SLC13A4: variants seen among roughly 807,000 people sequenced by gnomAD.
SLC13A4 encodes the protein Na(+)/sulfate cotransporter SUT-1.
In SLC13A4, 28 loss-of-function variants were observed where a neutral mutation model predicts 72.7. The observed-to-expected ratio is 0.39, with a 90% CI of 0.29 to 0.53. SLC13A4 has a LOEUF of 0.53. Among genes scored for constraint, SLC13A4 ranks in the 20% least tolerant of loss-of-function variants. The probability of loss-of-function intolerance (pLI) is 0.78; values close to 1 mark genes in which losing one functional copy is unlikely to be tolerated. For missense variants in SLC13A4, 653 were observed against 788.0 expected (o/e 0.83, Z 2.05); for synonymous variants, 312 against 325.5 (o/e 0.96, Z 0.45).
chr7:135,716,987 A>G (rs1796446552), intron 2 of SLC13A4, among the ~76,000 whole-genome samples: 1 of 152,084 alleles, frequency 6.6e-6, no homozygotes, highest in South Asian at 2.1e-4. Context: ...TCCTTATTAG[A>G]CTTCATTTTG....
In SLC13A4 at chr7:135,722,349, G is replaced by A. The variant is rs548481746; in HGVS notation, c.100-826C>T. ...TTGACACATGTGCCTAAGATATGAA[G>A]ATATGTGGCATTGGTGTGTGCCTGA... is the stretch of plus-strand genomic sequence containing the variant. On this transcript the variant is annotated intron_variant, in intron 1 of 15. Transcript: ENST00000682651. Among the ~76,000 whole-genome samples the A allele has an allele frequency of 4.6e-5, 7 of 152,340 alleles. No homozygotes were observed. The South Asian group carries it at 8.3e-4, about 18-fold the overall frequency.
At position 135,701,662 on chromosome 7, in the gene SLC13A4, A is replaced by G. The variant is rs1397594368; in HGVS notation, c.714+18T>C. On this transcript the variant is annotated intron_variant, in intron 7 of 15. Coordinates refer to ENST00000682651, the MANE Select transcript of SLC13A4 (RefSeq NM_001318192.2). Reference sequence around the variant, plus strand: ...CGTTTCATGTAGGAAACAGAGCTAGAAGGGGCCGTTCTATTACCTGGGATG... The same window carrying G: ...CGTTTCATGTAGGAAACAGAGCTAGGAGGGGCCGTTCTATTACCTGGGATG... The G allele has an allele frequency of 6.2e-7, 1 of 1,612,040 alleles. No homozygotes were observed. The highest frequency in any genetic ancestry group is 8.5e-7 in the Non-Finnish European group (1 of 1,178,450).
chr7:135,723,301 A>T (rs1468373026), intron 1 of SLC13A4, among the ~76,000 whole-genome samples: 6 of 152,118 alleles, frequency 3.9e-5, no homozygotes, highest in African/African-American at 1.4e-4. Context: ...TGCTGGCTGG[A>T]CAACCTAGGG....
chr7:135,710,902 C>A (rs951092310), intron 2 of SLC13A4, among the ~76,000 whole-genome samples: 1 of 151,350 alleles, frequency 6.6e-6, no homozygotes, highest in African/African-American at 2.4e-5. Flanking sequence ...TCACGAATGC[C>A]CCCTGGGGGC....
At chr7:135,711,561 G>A (rs889670491) in intron 2 of SLC13A4, among the ~76,000 whole-genome samples, 1 of 152,136 alleles carries the variant, frequency 6.6e-6, no homozygotes, top group Non-Finnish European at 1.5e-5. Context: ...GAAACTGGGG[G>A]TTTAGGGAGC....
chr7:135,702,725 A>G (rs3112345), intron 6 of SLC13A4, 120 bp downstream of exon 6: 515,691 of 833,660 alleles, frequency 0.62, 162,173 homozygotes, highest in East Asian at 0.86. Flanking sequence ...CCTCACTGAA[A>G]GGAACTCTAA....
chr7:135,699,397 G>A lies in SLC13A4; in HGVS notation c.866C>T (p.Ser289Phe). 6.2e-7 allele frequency: 1 copy of A among 1,613,236 alleles called. No homozygotes were observed. Among genetic ancestry groups the A allele is most frequent in the Non-Finnish European group, 8.5e-7 (1 of 1,179,626 alleles). The change falls in exon 8 of 16, where the codon TCC (serine) becomes TTC (phenylalanine). Residue 289 changes from serine (S) to phenylalanine (F), a missense_variant. Coordinates refer to ENST00000682651, the MANE Select transcript of SLC13A4 (RefSeq NM_001318192.2). ...GTGTTCCAGGAAGATGAGGCTGGTG[G>A]AGGTGCCGATGATGGTGGTCAGGCC... ...IGGLTTIIGT[S>F]TSLIFLEHFN...
At position 135,708,179 on chromosome 7, in the gene SLC13A4, C is replaced by G. The variant is rs1475823618; in HGVS notation, c.300G>C (p.Glu100Asp). Residue 100 changes from glutamate to aspartate, a missense_variant, in exon 3 of 16, where the codon GAG (glutamate) becomes GAC (aspartate). By Grantham distance (45) the Glu-to-Asp change is conservative (BLOSUM62 2). Coordinates refer to ENST00000682651, the MANE Select transcript of SLC13A4 (RefSeq NM_001318192.2). ...VGVICVAAAVEKWNLHKRIAL... is the reference protein window; with the variant it reads ...VGVICVAAAVDKWNLHKRIAL... ...CAATGCGCTTATGCAGGTTCCACTT[C>G]TCCACGGCAGCCGCCACGCAGATGA... The G allele has an allele frequency of 6.2e-7, 1 of 1,614,228 alleles. No homozygotes were observed. Among genetic ancestry groups the G allele is most frequent in the Non-Finnish European group, 8.5e-7 (1 of 1,180,038 alleles).
rs1201890644 is a variant in SLC13A4, at chr7:135,683,556, T to A, written c.1746+568A>T. ...AGGAGTAGAAGGTAGATAGGCCCAG[T>A]GCTAAAGTCAGCAGCAAAATATCTC... is the stretch of plus-strand genomic sequence containing the variant. On this transcript the variant is annotated intron_variant, in intron 15 of 15. Coordinates refer to ENST00000682651, the MANE Select transcript of SLC13A4 (RefSeq NM_001318192.2). 4.1e-6 allele frequency: 4 copies of A among 985,262 alleles called. No homozygotes were observed. In the East Asian group the frequency reaches 4.5e-4, roughly 112 times the overall value. The allele number at this position is 985,262 out of a possible 1,614,324, so 61.0% of individuals were successfully genotyped here. A position where few individuals can be genotyped will look rare whatever the true frequency, so the allele number is the denominator to read the frequency against.
chr7:135,682,855 A>G (rs1383649588), intron 15 of SLC13A4, among the ~76,000 whole-genome samples: 1 of 152,220 alleles, frequency 6.6e-6, no homozygotes, highest in Non-Finnish European at 1.5e-5. Context: ...GGCACACAGC[A>G]GAGGAAGCGG....
chr7:135,721,386 T>A lies in SLC13A4; in HGVS notation c.228+9A>T, dbSNP rs756867318. ...CCCAGGCAGGGGGTGGGGCTACAAG[T>A]AGTCTAACCTCATTGGACCGGAGGA... On this transcript the variant is annotated intron_variant, in intron 2 of 15. Transcript: ENST00000682651. The A allele has an allele frequency of 3.1e-6, 5 of 1,613,558 alleles. No individual in the cohort carries two copies. Among genetic ancestry groups the A allele is most frequent in the Non-Finnish European group, 4.2e-6 (5 of 1,179,682 alleles).
Position 135,708,208 on chromosome 7 carries a change from C to T in SLC13A4, c.271G>A (p.Gly91Arg). The T allele has an allele frequency of 6.2e-7, 1 of 1,614,246 alleles. No individual in the cohort carries two copies. Reference sequence around the variant, plus strand: ...ACGGCAGCCGCCACGCAGATGACCCCCACCAGCAGCAGCGTGGTGTTCTTG... The same window carrying T: ...ACGGCAGCCGCCACGCAGATGACCCTCACCAGCAGCAGCGTGGTGTTCTTG... ...YFKNTTLLLV[G>R]VICVAAAVEK... Residue 91 changes from glycine to arginine, a missense_variant, in exon 3 of 16, where the codon GGG (glycine) becomes AGG (arginine). By Grantham distance (125) the Gly-to-Arg change is moderately radical. Coordinates refer to ENST00000682651, the MANE Select transcript of SLC13A4 (RefSeq NM_001318192.2).
intron 2 of SLC13A4, among the ~76,000 whole-genome samples, chr7:135,709,776 C>A (rs1259545548): frequency 6.6e-6 from 1 of 152,166 alleles, no homozygotes; most frequent in Non-Finnish European, 1.5e-5. Flanking sequence ...CTAGAAAAAA[C>A]CTTTCTTGTG....
chr7:135,699,950 A>G (rs990075882), intron 7 of SLC13A4, among the ~76,000 whole-genome samples: 2 of 152,272 alleles, frequency 1.3e-5, no homozygotes, highest in Non-Finnish European at 2.9e-5. Flanking sequence ...TTATTCCTGT[A>G]GAGTTAGAAT....
intron 11 of SLC13A4, 38 bp from the exon 12 acceptor site, chr7:135,691,683 G>T: frequency 7.1e-7 from 1 of 1,410,906 alleles, no homozygotes; most frequent in Non-Finnish European, 1.0e-6. Context: ...AGAAGGGTCA[G>T]GAATTTTCAG....
At chr7:135,726,392 C>T (rs950185141) in intron 1 of SLC13A4, among the ~76,000 whole-genome samples, 9 of 152,148 alleles carry the variant, frequency 5.9e-5, no homozygotes, top group Non-Finnish European at 1.5e-5. Context: ...TCCTAATCCC[C>T]TCTGTTTAAC....
At chr7:135,723,906 T>C (rs1796597887) in intron 1 of SLC13A4, among the ~76,000 whole-genome samples, 1 of 151,842 alleles carries the variant, frequency 6.6e-6, no homozygotes, top group African/African-American at 2.4e-5. Flanking sequence ...ACAGAACCAA[T>C]GGTGGAAAAA....
In SLC13A4 at chr7:135,699,634, C is replaced by T. The variant is rs946146252; in HGVS notation, c.715-86G>A. The T allele has an allele frequency of 2.3e-4, 284 of 1,248,252 alleles. 2 individuals are homozygous for T. The highest frequency in any genetic ancestry group is 2.1e-3 in the South Asian group (117 of 56,658). 77.3% of individuals were successfully genotyped at this position (1,248,252 alleles called of 1,614,324 possible). Reference sequence around the variant, plus strand: ...AGAGGCAGGAGGCACCATGGTACAGCGGAAAGGGTTTGAGCTTGGGTGTCA... The same window carrying T: ...AGAGGCAGGAGGCACCATGGTACAGTGGAAAGGGTTTGAGCTTGGGTGTCA... On this transcript the variant is annotated intron_variant, in intron 7 of 15. Coordinates refer to ENST00000682651, the MANE Select transcript of SLC13A4 (RefSeq NM_001318192.2).
intron 14 of SLC13A4, among the ~76,000 whole-genome samples, chr7:135,685,035 A>G (rs896870367): frequency 1.3e-5 from 2 of 152,166 alleles, no homozygotes; most frequent in Non-Finnish European, 2.9e-5. Flanking sequence ...CTTGCTCCCA[A>G]TCCTCAGAAC....
Sources: gnomAD v4.1 joint callset for allele counts (sites outside exome capture counted in the v4.1 genomes callset) on GRCh38, gnomAD v4.1.1 for gene constraint, MANE v1.5 for transcripts, NCBI Gene and HGNC (gene_info 2026-07-23, HGNC 2026-07-21) for gene names.